The following SLCO6A1 variants were observed in gnomAD, a reference collection of about 807,000 sequenced individuals.
SLCO6A1 encodes the protein solute carrier organic anion transporter family member 6A1, also known as cancer/testis antigen 48.
Under a neutral mutation model 72.7 loss-of-function variants are expected in SLCO6A1, and 65 were observed. That is an observed-to-expected ratio of 0.89 (90% CI 0.73 to 1.10). SLCO6A1 has a LOEUF of 1.10. Ranked by LOEUF, SLCO6A1 falls within the 50% of genes least tolerant of loss-of-function variation. SLCO6A1 has a pLI of 0.00. For synonymous variants in SLCO6A1, 314 were observed against 298.2 expected (o/e 1.05, Z -0.55); for missense variants, 874 against 872.6 (o/e 1.00, Z -0.02).
chr5:102,409,525 A>G (rs1747857985), intron 9 of SLCO6A1, among the ~76,000 whole-genome samples: 2 of 152,052 alleles, frequency 1.3e-5, no homozygotes, highest in Non-Finnish European at 2.9e-5. Context: ...TTTGAAATTG[A>G]TGCTTATTCT....
At chr5:102,427,854 ATATATATATATT>A (rs1748986421) in intron 7 of SLCO6A1, among the ~76,000 whole-genome samples, 3 of 120,944 alleles carry the variant, frequency 2.5e-5, no homozygotes, top group African/African-American at 1.2e-4. Context: ...ACATATATAT[ATATATATATATT>A]TTTTTTTTTT....
intron 3 of SLCO6A1, among the ~76,000 whole-genome samples, chr5:102,476,801 C>T (rs903101645): frequency 2.0e-5 from 3 of 152,062 alleles, no homozygotes; most frequent in African/African-American, 7.2e-5. Context: ...CTTCTGCACC[C>T]TTCACCTTAG....
intron 4 of SLCO6A1, among the ~76,000 whole-genome samples, chr5:102,460,106 C>T (rs1750948493): frequency 6.6e-6 from 1 of 152,126 alleles, no homozygotes; most frequent in Non-Finnish European, 1.5e-5. Flanking sequence ...ATTTGGAACA[C>T]TACCTTTTTA....
chr5:102,490,239 G>C, intron 1 of SLCO6A1, among the ~76,000 whole-genome samples: 1 of 152,088 alleles, frequency 6.6e-6, no homozygotes, highest in East Asian at 1.9e-4. Flanking sequence ...AGCTATAAGA[G>C]AGCATTTTGA....
rs1312684738 is a variant in SLCO6A1, at chr5:102,399,642, T to C, written c.1727A>G (p.Tyr576Cys). 4.3e-6 allele frequency: 7 copies of C among 1,610,040 alleles called. No individual in the cohort carries two copies. Among genetic ancestry groups the C allele is most frequent in the Non-Finnish European group, 5.9e-6 (7 of 1,177,322 alleles). ...AAAAGCAATGAACAAAGGTAACTTA[T>C]AGCACTTTGCATCACATTTCCCGGG... ...ARPGKCDAKC[Y>C]KLPLFIAFIF... Residue 576 changes from tyrosine to cysteine, a missense_variant, in exon 10 of 14, where the codon TAT becomes TGT. Physicochemically the swap from Tyr to Cys is radical, Grantham distance 194 (BLOSUM62 -2). Coordinates refer to ENST00000506729, the MANE Select transcript of SLCO6A1 (RefSeq NM_173488.5).
intron 1 of SLCO6A1, among the ~76,000 whole-genome samples, chr5:102,492,266 T>C (rs1368398516): frequency 6.6e-6 from 1 of 151,756 alleles, no homozygotes; most frequent in Non-Finnish European, 1.5e-5. Context: ...AGATAAGTAA[T>C]GTAAGGAGAG....
chr5:102,455,928 C>G (rs530341221), intron 6 of SLCO6A1, among the ~76,000 whole-genome samples: 1 of 152,272 alleles, frequency 6.6e-6, no homozygotes, highest in East Asian at 1.9e-4. Context: ...GGCTTCATCC[C>G]TGGGATGCAA....
chr5:102,473,015 G>C (rs1355517695), intron 4 of SLCO6A1, among the ~76,000 whole-genome samples: 1 of 151,900 alleles, frequency 6.6e-6, no homozygotes, highest in Non-Finnish European at 1.5e-5. Flanking sequence ...AAAGCCTAGG[G>C]CCAGATAGCT....
Position 102,373,322 on chromosome 5 carries a change from ATG to A in SLCO6A1, c.*15+13_*15+14del. The stretch of plus-strand genomic sequence containing the variant: ...TTAATATTTCATTGATAGATTGACA[ATG>A]TGTAATTCTTACACAATGATGATCC... On this transcript the variant is annotated intron_variant, in intron 13 of 13. Coordinates refer to ENST00000506729, the MANE Select transcript of SLCO6A1 (RefSeq NM_173488.5). 6.9e-7 allele frequency: 1 copy of A among 1,451,158 alleles called. No individual in the cohort carries two copies. The highest frequency in any genetic ancestry group is 9.1e-7 in the Non-Finnish European group (1 of 1,097,524). The allele number at this position is 1,451,158 out of a possible 1,614,324, so 89.9% of individuals were successfully genotyped here.
rs574555130 is a variant in SLCO6A1 at position 102,421,000 on chromosome 5, C to A, written c.1277-979G>T. On this transcript the variant is annotated intron_variant, in intron 7 of 13. Coordinates refer to ENST00000506729, the MANE Select transcript of SLCO6A1 (RefSeq NM_173488.5). Reference sequence around the variant, plus strand: ...AAGCAGGGTGGGGAATCACCTCACCCGAGAAGCAGAAGGGGCTGGGGAACT... The same window carrying A: ...AAGCAGGGTGGGGAATCACCTCACCAGAGAAGCAGAAGGGGCTGGGGAACT... 2.1e-3 allele frequency among the ~76,000 whole-genome samples: 312 copies of A among 152,138 alleles called. 2 individuals are homozygous for A. Among genetic ancestry groups the A allele is most frequent in the African/African-American group, 7.1e-3 (296 of 41,510 alleles).
At chr5:102,415,504 A>G (rs374216462) in intron 8 of SLCO6A1, among the ~76,000 whole-genome samples, 1 of 152,170 alleles carries the variant, frequency 6.6e-6, no homozygotes, top group East Asian at 1.9e-4. Context: ...TTGGATTGTT[A>G]TGTATAAGAG....
intron 6 of SLCO6A1, among the ~76,000 whole-genome samples, chr5:102,445,130 C>G (rs1339858164): frequency 6.6e-6 from 1 of 152,178 alleles, no homozygotes; most frequent in Non-Finnish European, 1.5e-5. Context: ...GTTTTAACTT[C>G]TTTGAGGAAT....
At chr5:102,375,328 A>T (rs1473782623) in intron 12 of SLCO6A1, among the ~76,000 whole-genome samples, 1 of 152,318 alleles carries the variant, frequency 6.6e-6, no homozygotes, top group Admixed American at 6.5e-5. Context: ...TGAAGCCAGT[A>T]GGGAACCAAC....
chr5:102,423,332 T>G (rs1047481933), intron 7 of SLCO6A1, among the ~76,000 whole-genome samples: 4 of 151,916 alleles, frequency 2.6e-5, no homozygotes, highest in Non-Finnish European at 5.9e-5. Context: ...GAATGGCAAA[T>G]TGGAAAAACA....
chr5:102,417,702 C>T (rs574192264), intron 8 of SLCO6A1, among the ~76,000 whole-genome samples: 2 of 152,002 alleles, frequency 1.3e-5, no homozygotes, highest in South Asian at 2.1e-4. Context: ...CTCTTCTTTC[C>T]TTTATGTAGA....
chr5:102,439,607 T>G (rs1339812422), intron 6 of SLCO6A1, among the ~76,000 whole-genome samples: 1 of 152,144 alleles, frequency 6.6e-6, no homozygotes, highest in Non-Finnish European at 1.5e-5. Context: ...ATTCCCATAA[T>G]ATTAAATACT....
intron 12 of SLCO6A1, among the ~76,000 whole-genome samples, chr5:102,387,947 C>T (rs938572770): frequency 6.6e-6 from 1 of 152,070 alleles, no homozygotes; most frequent in African/African-American, 2.4e-5. Context: ...CATCTCATAC[C>T]ACCACGGCAT....
chr5:102,390,996 T>C lies in SLCO6A1; in HGVS notation c.1864A>G (p.Ile622Val), dbSNP rs1746723994. ...RSLALGVSYVILRIFGTIPGP... is the reference protein window; with the variant it reads ...RSLALGVSYVVLRIFGTIPGP... ...AAATCCATACCAAATATTCTCAAAATCACATAGCTTACACCCAAGGCCAGA... is the reference window on the plus strand; with the variant it reads ...AAATCCATACCAAATATTCTCAAAACCACATAGCTTACACCCAAGGCCAGA... The change falls in exon 11 of 14, where the codon ATT becomes GTT. Residue 622 changes from isoleucine (I) to valine (V), a missense_variant. Transcript: ENST00000506729. 6.2e-7 allele frequency: 1 copy of C among 1,613,528 alleles called. No individual in the cohort carries two copies. Among genetic ancestry groups the C allele is most frequent in the East Asian group, 2.2e-5 (1 of 44,836 alleles).
intron 12 of SLCO6A1, among the ~76,000 whole-genome samples, chr5:102,385,523 C>G (rs1746364262): frequency 6.6e-6 from 1 of 151,994 alleles, no homozygotes; most frequent in African/African-American, 2.4e-5. Flanking sequence ...ACTCTTCTGA[C>G]TGGGTAATTT....
Sources: allele counts gnomAD v4.1 joint callset (sites outside exome capture counted in the v4.1 genomes callset), GRCh38; gene constraint gnomAD v4.1.1; transcripts MANE v1.5; gene names NCBI Gene and HGNC (gene_info 2026-07-23, HGNC 2026-07-21).